The following ABI3BP variants were observed in gnomAD, a reference collection of about 807,000 sequenced individuals.
The protein encoded by ABI3BP is ABI family member 3 binding protein, also known as target of Nesh-SH3.
In ABI3BP, 216 loss-of-function variants were observed where a neutral mutation model predicts 268.6. The ratio of observed to expected loss-of-function variants is 0.80; its 90% CI spans 0.72 to 0.90. The LOEUF (loss-of-function observed/expected upper bound fraction) is 0.90. Among genes scored for constraint, ABI3BP ranks in the 40% least tolerant of loss-of-function variants. ABI3BP has a pLI of 0.00. For synonymous variants in ABI3BP, 730 were observed against 730.0 expected (o/e 1.00, Z 0.00); for missense variants, 2,090 against 2,182.4 (o/e 0.96, Z 0.84).
chr3:100,840,918 A>G, intron 21 of ABI3BP, 60 bp from the exon 22 acceptor site: 1 of 1,351,508 alleles, frequency 7.4e-7, no homozygotes, highest in South Asian at 1.3e-5. Context: ...AATGACATGT[A>G]TTTAAAACAT....
intron 57 of ABI3BP, among the ~76,000 whole-genome samples, chr3:100,785,218 A>G (rs757686055): frequency 2.0e-5 from 3 of 152,328 alleles, no homozygotes; most frequent in South Asian, 2.1e-4. Flanking sequence ...TATTCTGAGT[A>G]AGATGTCAAA....
intron 1 of ABI3BP, among the ~76,000 whole-genome samples, chr3:100,958,164 T>C (rs2077473521): frequency 6.6e-6 from 1 of 152,328 alleles, no homozygotes; most frequent in South Asian, 2.1e-4. Flanking sequence ...GACAATGAGT[T>C]TCATTGTAAG....
intron 14 of ABI3BP, among the ~76,000 whole-genome samples, chr3:100,858,326 C>T (rs1458734437): frequency 6.6e-6 from 1 of 152,142 alleles, no homozygotes; most frequent in Non-Finnish European, 1.5e-5. Flanking sequence ...TCACAAAATG[C>T]AGCACTAATG....
At chr3:100,872,669 T>C (rs2099121117) in intron 9 of ABI3BP, among the ~76,000 whole-genome samples, 2 of 152,322 alleles carry the variant, frequency 1.3e-5, no homozygotes, top group South Asian at 2.1e-4. Flanking sequence ...AACAGGTTAA[T>C]GTAAGAGTCC....
rs541744101 is a variant in ABI3BP at position 100,821,523 on chromosome 3, T to C, written c.2888-410A>G. The stretch of plus-strand genomic sequence containing the variant: ...AATCTCAACTGCTCCATCAAGGACC[T>C]AGGCATCTCCGCCATGGGTATCCAT... On this transcript the variant is annotated intron_variant, in intron 38 of 67. Transcript: ENST00000471714. Among the ~76,000 whole-genome samples, 12 of 151,814 alleles carry C rather than the reference T, an allele frequency of 7.9e-5. No individual in the cohort carries two copies. The South Asian group carries it at 2.5e-3, about 32-fold the overall frequency.
intron 3 of ABI3BP, among the ~76,000 whole-genome samples, chr3:100,899,636 GAA>G (rs1305624754): frequency 1.3e-5 from 2 of 152,174 alleles, no homozygotes; most frequent in Admixed American, 1.3e-4. Flanking sequence ...AAAATTATCT[GAA>G]ACTGCAGAAG....
At chr3:100,834,629 C>T (rs2098547711) in intron 29 of ABI3BP, 55 bp downstream of exon 29, 1 of 1,493,800 alleles carries the variant, frequency 6.7e-7, no homozygotes, top group South Asian at 1.2e-5. Flanking sequence ...AAACTGCCAC[C>T]CCCATGCCAC....
At chr3:100,819,040 T>C (rs537362209) in intron 40 of ABI3BP, among the ~76,000 whole-genome samples, 1 of 152,160 alleles carries the variant, frequency 6.6e-6, no homozygotes, top group Non-Finnish European at 1.5e-5. Context: ...TCATTTGCAG[T>C]AAAGGCACTC....
At chr3:100,944,378 A>T (rs564962207) in intron 1 of ABI3BP, among the ~76,000 whole-genome samples, 2 of 152,240 alleles carry the variant, frequency 1.3e-5, no homozygotes, top group South Asian at 4.1e-4. Flanking sequence ...TTGGGCACTC[A>T]TTAAATTCCA....
intron 2 of ABI3BP, among the ~76,000 whole-genome samples, chr3:100,914,258 T>C (rs745383879): frequency 6.6e-6 from 1 of 152,200 alleles, no homozygotes; most frequent in Non-Finnish European, 1.5e-5. Context: ...AGTAATTATT[T>C]CCTTTAAACA....
rs35241411 is a variant in ABI3BP at position 100,843,542 on chromosome 3, TGAGAGA to T, written c.1724-1509_1724-1504del. 5,220 of 850,228 alleles carry T rather than the reference TGAGAGA, an allele frequency of 6.1e-3. 9 individuals carry two copies. Among genetic ancestry groups the T allele is most frequent in the South Asian group, 8.3e-3 (151 of 18,162 alleles). The allele number at this position is 850,228 out of a possible 1,614,324, so 52.7% of individuals were successfully genotyped here. A position where few individuals can be genotyped will look rare whatever the true frequency, so the allele number is the denominator to read the frequency against. ...GGATGTGTGTGTGTGTGTGTGTGTG[TGAGAGA>T]GAGAGAGAGAGAGAGAGAGGGAAGG... On this transcript the variant is annotated intron_variant, in intron 20 of 67. Transcript: ENST00000471714.
In ABI3BP at chr3:100,959,489, C is replaced by CAAAAA. The variant is rs35465693; in HGVS notation, c.80-33013_80-33009dup. Reference sequence around the variant, plus strand: ...TGGGCGACAGAGCGAGACTCCGTCTCAAAAAAAAAAAAAAAAAAAAAAAAA... The same window carrying CAAAAA: ...TGGGCGACAGAGCGAGACTCCGTCTCAAAAAAAAAAAAAAAAAAAAAAAAAAAAAA... On this transcript the variant is annotated intron_variant, in intron 1 of 67. Transcript: ENST00000471714. Among the ~76,000 whole-genome samples the CAAAAA allele has an allele frequency of 3.6e-4, 13 of 36,048 alleles. 1 individual carries two copies. Among genetic ancestry groups the CAAAAA allele is most frequent in the African/African-American group, 5.7e-4 (5 of 8,742 alleles). The allele number at this position is 36,048 out of a possible 152,430, so 23.6% of individuals were successfully genotyped here. A position where few individuals can be genotyped will look rare whatever the true frequency, so the allele number is the denominator to read the frequency against.
At chr3:100,980,392 A>T (rs928501675) in intron 1 of ABI3BP, among the ~76,000 whole-genome samples, 1 of 152,114 alleles carries the variant, frequency 6.6e-6, no homozygotes. Context: ...AACCAGCACA[A>T]CAATCCAACA....
rs924690115 is a variant in ABI3BP at position 100,886,143 on chromosome 3, T to C, written c.642A>G (p.Gly214=). The change falls in exon 5 of 68, where the codon GGA becomes GGG. Residue 214 remains glycine (G), a splice_region_variant and synonymous_variant. Coordinates refer to ENST00000471714, the MANE Select transcript of ABI3BP (RefSeq NM_001375547.2). ...SKIFNHKTVV[G]SKKVNGKIQS... ...AAACAAACATTTCTAGGTACTTACTTCCAACAACAGTCTTGTGATTGAAAA... is the reference window on the plus strand; with the variant it reads ...AAACAAACATTTCTAGGTACTTACTCCCAACAACAGTCTTGTGATTGAAAA... The C allele has an allele frequency of 1.9e-6, 3 of 1,577,102 alleles. No individual in the cohort carries two copies. The highest frequency in any genetic ancestry group is 2.6e-6 in the Non-Finnish European group (3 of 1,165,074).
intron 4 of ABI3BP, among the ~76,000 whole-genome samples, chr3:100,890,845 C>A (rs1028831116): frequency 6.6e-6 from 1 of 152,118 alleles, no homozygotes; most frequent in Non-Finnish European, 1.5e-5. Context: ...CCCCTCATGT[C>A]CAATCAGTTG....
intron 1 of ABI3BP, among the ~76,000 whole-genome samples, chr3:100,944,684 G>T (rs2071251102): frequency 6.6e-6 from 1 of 152,068 alleles, no homozygotes; most frequent in Non-Finnish European, 1.5e-5. Flanking sequence ...TGCCATCTTT[G>T]CTTAGACATT....
At chr3:100,989,293 A>C (rs1352461618) in intron 1 of ABI3BP, among the ~76,000 whole-genome samples, 2 of 152,214 alleles carry the variant, frequency 1.3e-5, no homozygotes, top group Non-Finnish European at 2.9e-5. Flanking sequence ...CAGAAGCACG[A>C]AACAGACAAA....
In ABI3BP at chr3:100,864,035, T is replaced by C; in HGVS notation, c.1105A>G (p.Ile369Val). ...RTPETLQTILIPQFELPLSTL... is the reference protein window; with the variant it reads ...RTPETLQTILVPQFELPLSTL... Reference sequence around the variant, plus strand: ...CTCAGTGGCAATTCAAACTGAGGTATTAGAATAGTTTGCAATGTTTCCGGG... The same window carrying C: ...CTCAGTGGCAATTCAAACTGAGGTACTAGAATAGTTTGCAATGTTTCCGGG... Residue 369 changes from isoleucine (I) to valine (V), a missense_variant, in exon 12 of 68, where the codon ATA (isoleucine) becomes GTA (valine). By Grantham distance (29) the Ile-to-Val change is conservative (BLOSUM62 3). Coordinates refer to ENST00000471714, the MANE Select transcript of ABI3BP (RefSeq NM_001375547.2). 6.5e-7 allele frequency: 1 copy of C among 1,536,114 alleles called. No homozygotes were observed. Among genetic ancestry groups the C allele is most frequent in the Non-Finnish European group, 8.7e-7 (1 of 1,146,706 alleles).
intron 2 of ABI3BP, among the ~76,000 whole-genome samples, chr3:100,904,040 AC>A (rs2051885964): frequency 6.6e-6 from 1 of 152,170 alleles, no homozygotes; most frequent in African/African-American, 2.4e-5. Flanking sequence ...GAATACAATA[AC>A]CATTTCCTGA....
Sources: gnomAD v4.1 joint callset for allele counts (sites outside exome capture counted in the v4.1 genomes callset) on GRCh38, gnomAD v4.1.1 for gene constraint, MANE v1.5 for transcripts, NCBI Gene and HGNC (gene_info 2026-07-23, HGNC 2026-07-21) for gene names.